Variants in TULP1 observed in about 807,000 individuals in gnomAD.
TULP1 encodes tubby-related protein 1.
In TULP1, 50 loss-of-function variants were observed where a neutral mutation model predicts 67.1. That is an observed-to-expected ratio of 0.75 (90% CI 0.59 to 0.94). TULP1 has a LOEUF of 0.94. Ranked by LOEUF, TULP1 falls within the 40% of genes least tolerant of loss-of-function variation. The pLI, the probability that TULP1 is intolerant of heterozygous loss-of-function variation, is 0.00. For synonymous variants in TULP1, 297 were observed against 294.0 expected (o/e 1.01, Z -0.11); for missense variants, 746 against 734.1 (o/e 1.02, Z -0.19).
intron 4 of TULP1, 99 bp downstream of exon 4, chr6:35,511,549 C>A: frequency 6.5e-7 from 1 of 1,528,760 alleles, no homozygotes; most frequent in Non-Finnish European, 8.9e-7. Context: ...TATTTGACTA[C>A]AGTTGTTTTC....
chr6:35,509,824 C>T lies in TULP1; in HGVS notation c.601+3G>A, dbSNP rs1761160462. 1 of 1,614,128 alleles carries T rather than the reference C, an allele frequency of 6.2e-7. No homozygotes were observed. The highest frequency in any genetic ancestry group is 8.5e-7 in the Non-Finnish European group (1 of 1,180,020). On this transcript the variant is annotated splice_donor_region_variant and intron_variant, in intron 6 of 14. Transcript: ENST00000229771. The stretch of plus-strand genomic sequence containing the variant: ...CCCCTGTTCCTCCCTAGGCTGGGCT[C>T]ACCTTTCTTCTTGGTCTTTCTCATC...
intron 7 of TULP1, 88 bp downstream of exon 7, chr6:35,509,546 A>C: frequency 7.4e-7 from 1 of 1,355,820 alleles, no homozygotes; most frequent in Non-Finnish European, 1.1e-6. Context: ...CTTACCTAGC[A>C]CTGTCTTGTA....
intron 13 of TULP1, among the ~76,000 whole-genome samples, chr6:35,501,988 G>A (rs1760976059): frequency 6.6e-6 from 1 of 151,752 alleles, no homozygotes; most frequent in Non-Finnish European, 1.5e-5. Flanking sequence ...AGTCCACCAG[G>A]GCCCCTCCTG....
At chr6:35,512,360 A>G (rs1761228441) in intron 2 of TULP1, 90 bp from the exon 3 acceptor site, 1 of 738,380 alleles carries the variant, frequency 1.4e-6, no homozygotes. Context: ...GCCGCCAGAA[A>G]TAACCGCAGA....
intron 11 of TULP1, 153 bp downstream of exon 11, chr6:35,505,588 T>G (rs1166223485): frequency 6.5e-7 from 1 of 1,530,450 alleles, no homozygotes. Flanking sequence ...CCCCACATGA[T>G]CTATGTACAT....
At chr6:35,510,696 C>T in intron 5 of TULP1, 165 bp downstream of exon 5, 1 of 1,517,900 alleles carries the variant, frequency 6.6e-7, no homozygotes, top group South Asian at 1.2e-5. Flanking sequence ...GGTCTATGTC[C>T]TTAAGGACCA....
intron 8 of TULP1, among the ~76,000 whole-genome samples, chr6:35,508,403 A>G (rs1761123780): frequency 6.6e-6 from 1 of 152,208 alleles, no homozygotes; most frequent in African/African-American, 2.4e-5. Flanking sequence ...CAGTTTGTAC[A>G]TCAGCATCTG....
At chr6:35,502,188 A>AT (rs1760980484) in intron 13 of TULP1, among the ~76,000 whole-genome samples, 1 of 151,004 alleles carries the variant, frequency 6.6e-6, no homozygotes, top group South Asian at 2.1e-4. Context: ...TTTATTTTTT[A>AT]TTATTTATTT....
rs756694016 is a variant in TULP1 at position 35,505,569 on chromosome 6, T to C, written c.1112+172A>G. ...GCCCACCCCACACACTCAACCATTTTAACAAGCTCCCCACATGATCTATGT... is the reference window on the plus strand; with the variant it reads ...GCCCACCCCACACACTCAACCATTTCAACAAGCTCCCCACATGATCTATGT... On this transcript the variant is annotated intron_variant, in intron 11 of 14. Coordinates refer to ENST00000229771, the MANE Select transcript of TULP1 (RefSeq NM_003322.6). 3.3e-6 allele frequency: 5 copies of C among 1,521,536 alleles called. No individual in the cohort carries two copies. The South Asian group carries it at 3.6e-5, about 11-fold the overall frequency. The allele number at this position is 1,521,536 out of a possible 1,614,324, so 94.3% of individuals were successfully genotyped here. A position where few individuals can be genotyped will look rare whatever the true frequency, so the allele number is the denominator to read the frequency against.
Position 35,499,983 on chromosome 6 carries a change from T to G in TULP1, c.1493A>C (p.Asp498Ala). The G allele has an allele frequency of 6.2e-7, 1 of 1,613,920 alleles. No individual in the cohort carries two copies. The highest frequency in any genetic ancestry group is 8.5e-7 in the Non-Finnish European group (1 of 1,179,996). Reference protein sequence around the residue: ...VKNFQIVHADDPDYIVLQFGR... With the variant: ...VKNFQIVHADAPDYIVLQFGR... ...GACCTGGGCCCTCAGGTACTCACGGTCATCAGCGTGGACAATCTGGAAGTT... is the reference window on the plus strand; with the variant it reads ...GACCTGGGCCCTCAGGTACTCACGGGCATCAGCGTGGACAATCTGGAAGTT... Residue 498 changes from aspartate (D) to alanine (A), a missense_variant and splice_region_variant, in exon 14 of 15, where the codon GAC (aspartate) becomes GCC (alanine). Around this residue, in one of 3 missense-constraint regions of TULP1, gnomAD observed 383 missense variants for 374.1 expected, o/e 1.02. Transcript: ENST00000229771.
chr6:35,505,631 C>G, intron 11 of TULP1, 110 bp downstream of exon 11: 8 of 1,556,348 alleles, frequency 5.1e-6, no homozygotes, highest in Non-Finnish European at 7.0e-6. Context: ...GGGGACGTTT[C>G]CAGGGTGCCC....
intron 11 of TULP1, among the ~76,000 whole-genome samples, chr6:35,505,079 G>A (rs552757021): frequency 6.6e-6 from 1 of 152,060 alleles, no homozygotes; most frequent in Non-Finnish European, 1.5e-5. Flanking sequence ...TGGGACTCCA[G>A]GTGCATGCCA....
intron 8 of TULP1, among the ~76,000 whole-genome samples, chr6:35,508,952 A>G: frequency 6.6e-6 from 1 of 152,144 alleles, no homozygotes; most frequent in African/African-American, 2.4e-5. Context: ...TCTGATGGTT[A>G]TGCTCCAGAG....
rs1761149747 is a variant in TULP1 at position 35,509,330 on chromosome 6, A to G, written c.719-18T>C. 2 of 1,611,762 alleles carry G rather than the reference A, an allele frequency of 1.2e-6. No homozygotes were observed. The highest frequency in any genetic ancestry group is 2.7e-5 in the African/African-American group (2 of 74,968). On this transcript the variant is annotated intron_variant, in intron 7 of 14. Coordinates refer to ENST00000229771, the MANE Select transcript of TULP1 (RefSeq NM_003322.6). ...GGGAGTGCCTGAGCGTGGAGGGGGA[A>G]ACAAGGCTGTGAACTCCTCACCCTG...
chr6:35,512,095 T>C, intron 3 of TULP1, 85 bp downstream of exon 3: 1 of 693,314 alleles, frequency 1.4e-6, no homozygotes, highest in Non-Finnish European at 2.0e-6. Context: ...GTTCCAGGGC[T>C]CGGCGACACC....
chr6:35,512,854 G>T lies in TULP1; in HGVS notation c.5C>A (p.Pro2His), dbSNP rs1174952138. The T allele has an allele frequency of 2.5e-6, 4 of 1,612,874 alleles. No individual in the cohort carries two copies. The African/African-American group carries it at 4.0e-5, about 16-fold the overall frequency. ...CTCTCGGAGGGTTTCATCCCGCAGA[G>T]GCATGGTGCCTTTGCCTATCGCACC... is the stretch of plus-strand genomic sequence containing the variant. M[P>H]LRDETLREVW... Residue 2 changes from proline to histidine, a missense_variant, in exon 1 of 15, where the codon CCT becomes CAT. By Grantham distance (77) the Pro-to-His change is moderately conservative. Coordinates refer to ENST00000229771, the MANE Select transcript of TULP1 (RefSeq NM_003322.6).
chr6:35,509,419 G>T, intron 7 of TULP1, 107 bp from the exon 8 acceptor site: 1 of 1,190,620 alleles, frequency 8.4e-7, no homozygotes, highest in South Asian at 1.2e-5. Flanking sequence ...CAAGAGAGTC[G>T]ACCCCATGTT....
In TULP1 at chr6:35,500,144, G is replaced by C. The variant is rs774448249; in HGVS notation, c.1332C>G (p.Asp444Glu). 6.2e-7 allele frequency: 1 copy of C among 1,614,032 alleles called. No homozygotes were observed. The highest frequency in any genetic ancestry group is 8.5e-7 in the Non-Finnish European group (1 of 1,180,028). Residue 444 changes from aspartate to glutamate, a missense_variant, in exon 14 of 15, where the codon GAC (aspartate) becomes GAG (glutamate). Asp to Glu is a conservative substitution (Grantham distance 45, BLOSUM62 2). This residue lies in a region of TULP1 where 383 missense variants were observed against 374.1 expected (regional missense o/e 1.02). Transcript: ENST00000229771. ...RVPIRPRNAS[D>E]GLLVRWQNKT... ...TGTTCTGCCAGCGCACCAGCAGGCC[G>C]TCACTAGCCTGGGGTGCCCCAGGGG...
rs886061337 is a variant in TULP1 at position 35,511,805 on chromosome 6, A to G, written c.192T>C (p.Ala64=). 4.5e-6 allele frequency: 7 copies of G among 1,548,008 alleles called. No individual in the cohort carries two copies. Among genetic ancestry groups the G allele is most frequent in the Non-Finnish European group, 6.1e-6 (7 of 1,146,070 alleles). Reference sequence around the variant, plus strand: ...CCTCCCGCGGCCTCCCCGTCCGCCCAGCTGAGCCGAGATGCGGGGTTCAGA... The same window carrying G: ...CCTCCCGCGGCCTCCCCGTCCGCCCGGCTGAGCCGAGATGCGGGGTTCAGA... The part of the protein sequence containing the change: ...PTGSKPRKPG[A]GRTGRPREEP... Residue 64 remains alanine (A), a splice_region_variant and synonymous_variant, in exon 4 of 15, where the codon GCT becomes GCC. Transcript: ENST00000229771.
Sources: allele counts gnomAD v4.1 joint callset (sites outside exome capture counted in the v4.1 genomes callset), GRCh38; gene constraint gnomAD v4.1.1; regional missense constraint gnomAD v4.1.1; transcripts MANE v1.5; gene names NCBI Gene and HGNC (gene_info 2026-07-23, HGNC 2026-07-21).